RBMS3: variants seen among roughly 807,000 people sequenced by gnomAD.
RBMS3 encodes RNA-binding motif, single-stranded-interacting protein 3.
Under a neutral mutation model 66.8 loss-of-function variants are expected in RBMS3, and 27 were observed. The ratio of observed to expected loss-of-function variants is 0.40; its 90% CI spans 0.30 to 0.56. The LOEUF (loss-of-function observed/expected upper bound fraction) is 0.56, where lower values mean the gene tolerates loss of function less well. Ranked by LOEUF, RBMS3 falls within the 20% of genes least tolerant of loss-of-function variation. The pLI is 0.40. For missense variants in RBMS3, 513 were observed against 549.5 expected, an observed-to-expected ratio of 0.93 and a Z score of 0.66; for synonymous variants, 188 against 183.0, an observed-to-expected ratio of 1.03 and a Z score of -0.22.
At chr3:29,456,777 G>A (rs1408633841) in intron 2 of RBMS3, among the ~76,000 whole-genome samples, 1 of 152,136 alleles carries the variant, frequency 6.6e-6, no homozygotes, top group Admixed American at 6.5e-5. Flanking sequence ...AAAATCAAGT[G>A]TTTGCATGTG....
At chr3:29,990,742 C>G (rs1474841047) in intron 13 of RBMS3, among the ~76,000 whole-genome samples, 1 of 152,122 alleles carries the variant, frequency 6.6e-6, no homozygotes, top group East Asian at 1.9e-4. Flanking sequence ...TTTGGACATA[C>G]AAGTTTGTAT....
intron 2 of RBMS3, among the ~76,000 whole-genome samples, chr3:29,446,907 T>A (rs1242822598): frequency 9.2e-5 from 1 of 10,820 alleles, no homozygotes; most frequent in African/African-American, 1.8e-4. Flanking sequence ...TTAAGCAGTC[T>A]TTTTTTTTTT....
intron 6 of RBMS3, among the ~76,000 whole-genome samples, chr3:29,767,908 C>G (rs572250385): frequency 6.6e-6 from 1 of 151,980 alleles, no homozygotes; most frequent in African/African-American, 2.4e-5. Context: ...CTATTAAGTC[C>G]ACAAATACAA....
chr3:29,318,325 C>G (rs1190807274), intron 1 of RBMS3, among the ~76,000 whole-genome samples: 1 of 151,782 alleles, frequency 6.6e-6, no homozygotes, highest in Non-Finnish European at 1.5e-5. Context: ...ACTGAGGTAA[C>G]TTGGGTGTCA....
At chr3:29,982,913 T>C (rs908585366) in intron 12 of RBMS3, among the ~76,000 whole-genome samples, 3 of 152,204 alleles carry the variant, frequency 2.0e-5, no homozygotes, top group East Asian at 3.8e-4. Context: ...TCTGTAGATG[T>C]CTATTAGGTC....
intron 2 of RBMS3, among the ~76,000 whole-genome samples, chr3:29,449,452 T>C (rs1419688281): frequency 1.3e-5 from 2 of 152,228 alleles, no homozygotes; most frequent in Admixed American, 6.5e-5. Flanking sequence ...TAAATGCCCA[T>C]TGATGCAGTT....
chr3:29,656,198 T>G (rs1401373662), intron 4 of RBMS3, among the ~76,000 whole-genome samples: 1 of 152,184 alleles, frequency 6.6e-6, no homozygotes, highest in Non-Finnish European at 1.5e-5. Flanking sequence ...TCTACAGCAG[T>G]GTACAACGAT....
At chr3:29,873,139 T>C (rs979735827) in intron 7 of RBMS3, among the ~76,000 whole-genome samples, 1 of 152,120 alleles carries the variant, frequency 6.6e-6, no homozygotes, top group Non-Finnish European at 1.5e-5. Flanking sequence ...AATAATGTCA[T>C]TAGTAGTTTG....
At chr3:29,833,507 C>T (rs2058426028) in intron 6 of RBMS3, among the ~76,000 whole-genome samples, 2 of 151,998 alleles carry the variant, frequency 1.3e-5, no homozygotes, top group African/African-American at 4.8e-5. Context: ...GCGAAACCAA[C>T]AGAAATTCTG....
At chr3:29,526,004 C>T (rs2045080075) in intron 3 of RBMS3, among the ~76,000 whole-genome samples, 1 of 152,154 alleles carries the variant, frequency 6.6e-6, no homozygotes, top group African/African-American at 2.4e-5. Context: ...ATTTCCTTCA[C>T]TTCTTTTGTT....
At chr3:29,324,275 C>T (rs2035188356) in intron 1 of RBMS3, among the ~76,000 whole-genome samples, 1 of 152,138 alleles carries the variant, frequency 6.6e-6, no homozygotes, top group Admixed American at 6.5e-5. Flanking sequence ...CTGGTCTGGT[C>T]TAGGTTCTTC....
chr3:29,291,834 T>A (rs1429490745), intron 1 of RBMS3, among the ~76,000 whole-genome samples: 1 of 151,736 alleles, frequency 6.6e-6, no homozygotes, highest in African/African-American at 2.4e-5. Context: ...CTAGACCCAC[T>A]ATCACTCTCA....
chr3:29,998,756 A>G (rs1425606279), intron 14 of RBMS3, among the ~76,000 whole-genome samples: 1 of 152,056 alleles, frequency 6.6e-6, no homozygotes, highest in African/African-American at 2.4e-5. Context: ...ACCTTATACA[A>G]AAATTAATTC....
At chr3:29,729,224 G>A (rs1236405806) in intron 4 of RBMS3, among the ~76,000 whole-genome samples, 1 of 137,586 alleles carries the variant, frequency 7.3e-6, no homozygotes, top group East Asian at 2.3e-4. Flanking sequence ...TCCCACCTAT[G>A]AGTGAGAACA....
chr3:29,942,914 G>C (rs544901115), intron 11 of RBMS3, among the ~76,000 whole-genome samples: 14 of 149,882 alleles, frequency 9.3e-5, no homozygotes, highest in Non-Finnish European at 1.9e-4. Context: ...CTTTTAAAAT[G>C]ATTCTAATTA....
intron 4 of RBMS3, among the ~76,000 whole-genome samples, chr3:29,625,466 G>C (rs569294339): frequency 2.0e-5 from 3 of 152,194 alleles, no homozygotes; most frequent in South Asian, 4.1e-4. Context: ...GGCCGAGGCA[G>C]GTGGATCACC....
intron 3 of RBMS3, among the ~76,000 whole-genome samples, chr3:29,548,067 G>A (rs2046033963): frequency 6.6e-6 from 1 of 151,888 alleles, no homozygotes; most frequent in South Asian, 2.1e-4. Context: ...ACTGCAATGA[G>A]GATTACAGGT....
At chr3:29,719,460 G>A (rs894820356) in intron 4 of RBMS3, among the ~76,000 whole-genome samples, 6 of 151,938 alleles carry the variant, frequency 3.9e-5, no homozygotes, top group Non-Finnish European at 8.8e-5. Context: ...TCAGTTCCAC[G>A]ACTGTGTTGA....
chr3:30,008,027 G>A lies in RBMS3; in HGVS notation c.*4165G>A, dbSNP rs1039769101. 1 of 151,890 alleles carries A rather than the reference G, an allele frequency of 6.6e-6. No homozygotes were observed. The highest frequency in any genetic ancestry group is 2.4e-5 in the African/African-American group (1 of 41,366). 9.4% of individuals were successfully genotyped at this position (151,890 alleles called of 1,614,324 possible). A position where few individuals can be genotyped will look rare whatever the true frequency, so the allele number is the denominator to read the frequency against. On this transcript the variant is annotated 3_prime_UTR_variant, in exon 15 of 15. Coordinates refer to ENST00000383767, the MANE Select transcript of RBMS3 (RefSeq NM_001003793.3). The stretch of plus-strand genomic sequence containing the variant: ...AATACATCTTTGGACCCCTTGCAAA[G>A]TGCTTTAAAAGTACTTTCAATTTAT...
Sources: allele counts gnomAD v4.1 joint callset (sites outside exome capture counted in the v4.1 genomes callset), GRCh38; gene constraint gnomAD v4.1.1; transcripts MANE v1.5; gene names NCBI Gene and HGNC (gene_info 2026-07-23, HGNC 2026-07-21).